OXR1: variants seen among roughly 807,000 people sequenced by gnomAD.
OXR1 encodes oxidation resistance protein 1.
Under a neutral mutation model 104.6 loss-of-function variants are expected in OXR1, and 41 were observed. That is an observed-to-expected ratio of 0.39 (90% CI 0.31 to 0.51). OXR1 has a LOEUF of 0.51. OXR1 is among the 20% of genes least tolerant of loss of function. The probability of loss-of-function intolerance (pLI) is 0.77; values close to 1 mark genes in which losing one functional copy is unlikely to be tolerated. For missense variants in OXR1, 955 were observed against 1,031.9 expected (o/e 0.93, Z 1.02); for synonymous variants, 348 against 348.4 (o/e 1.00, Z 0.01).
intron 3 of OXR1, among the ~76,000 whole-genome samples, chr8:106,660,312 T>A (rs1825630485): frequency 6.6e-6 from 1 of 152,162 alleles, no homozygotes; most frequent in Non-Finnish European, 1.5e-5. Flanking sequence ...GGCTCTAGGG[T>A]TGTTCTTTGT....
chr8:106,678,646 A>G (rs1174633847), intron 3 of OXR1, among the ~76,000 whole-genome samples: 1 of 152,002 alleles, frequency 6.6e-6, no homozygotes, highest in Non-Finnish European at 1.5e-5. Context: ...AATATTAATA[A>G]TTGGCATTCA....
chr8:106,405,039 T>C (rs1012172256), intron 2 of OXR1, among the ~76,000 whole-genome samples: 1 of 151,762 alleles, frequency 6.6e-6, no homozygotes, highest in African/African-American at 2.4e-5. Flanking sequence ...TGTATTTCTG[T>C]TGCCAGATCA....
chr8:106,684,118 C>T, intron 5 of OXR1, 128 bp from the exon 6 acceptor site: 2 of 557,996 alleles, frequency 3.6e-6, no homozygotes, highest in Non-Finnish European at 6.4e-6. Context: ...TTTTTATATT[C>T]TTATAATTTG....
At chr8:106,513,721 G>T (rs1563573299) in intron 2 of OXR1, among the ~76,000 whole-genome samples, 1 of 152,132 alleles carries the variant, frequency 6.6e-6, no homozygotes, top group African/African-American at 2.4e-5. Flanking sequence ...CACAATTATA[G>T]CATCTTACAT....
intron 3 of OXR1, among the ~76,000 whole-genome samples, chr8:106,664,393 C>G (rs1440331818): frequency 6.6e-6 from 1 of 152,186 alleles, no homozygotes; most frequent in African/African-American, 2.4e-5. Flanking sequence ...TTAAGTAATG[C>G]TGATGCTGCT....
At chr8:106,413,815 C>T (rs997556448) in intron 2 of OXR1, among the ~76,000 whole-genome samples, 15 of 151,872 alleles carry the variant, frequency 9.9e-5, no homozygotes, top group African/African-American at 3.6e-4. Context: ...ACTCCACCTC[C>T]TGGGTTGGAG....
intron 1 of OXR1, among the ~76,000 whole-genome samples, chr8:106,276,031 C>T (rs1160405598): frequency 2.0e-5 from 3 of 152,174 alleles, no homozygotes; most frequent in Non-Finnish European, 2.9e-5. Context: ...AATAGTGTAT[C>T]TCTTCTATCT....
intron 11 of OXR1, chr8:106,726,379 T>C (rs751985555): frequency 1.8e-5 from 15 of 843,994 alleles, no homozygotes; most frequent in Admixed American, 3.2e-5. Context: ...TGAAAAATTA[T>C]ACAATTTCTG....
chr8:106,561,670 C>A (rs973973088), intron 3 of OXR1, among the ~76,000 whole-genome samples: 4 of 152,226 alleles, frequency 2.6e-5, no homozygotes, highest in African/African-American at 9.6e-5. Context: ...ACCCCCGTGC[C>A]TCCTGAATGG....
chr8:106,323,694 G>T (rs536650324), intron 1 of OXR1, among the ~76,000 whole-genome samples: 1 of 152,124 alleles, frequency 6.6e-6, no homozygotes, highest in South Asian at 2.1e-4. Context: ...TAAAAAGTGC[G>T]CAAAGGACAT....
At chr8:106,309,653 T>G (rs1168294695) in intron 1 of OXR1, among the ~76,000 whole-genome samples, 3 of 151,872 alleles carry the variant, frequency 2.0e-5, no homozygotes, top group South Asian at 2.1e-4. Context: ...CTTTGAGAGA[T>G]AAAATTTGTT....
chr8:106,405,178 A>AG (rs1563757941), intron 2 of OXR1, among the ~76,000 whole-genome samples: 104 of 27,170 alleles, frequency 3.8e-3, no homozygotes, highest in South Asian at 5.9e-3. Flanking sequence ...ATATATATAT[A>AG]TATATATATA....
intron 2 of OXR1, among the ~76,000 whole-genome samples, chr8:106,393,677 G>A (rs994957887): frequency 2.0e-5 from 3 of 151,920 alleles, no homozygotes; most frequent in African/African-American, 7.2e-5. Flanking sequence ...ATTGAAAGGT[G>A]CTATATTTCA....
intron 2 of OXR1, among the ~76,000 whole-genome samples, chr8:106,493,536 T>C (rs889637903): frequency 6.6e-6 from 1 of 152,098 alleles, no homozygotes; most frequent in Non-Finnish European, 1.5e-5. Flanking sequence ...TAACTTCCCG[T>C]TTGATTCTTT....
intron 1 of OXR1, among the ~76,000 whole-genome samples, chr8:106,271,001 G>A (rs1563686697): frequency 6.6e-6 from 1 of 152,102 alleles, no homozygotes; most frequent in South Asian, 2.1e-4. Context: ...TAGAGTACCC[G>A]AGGCCACATG....
At chr8:106,622,142 A>G (rs949376231) in intron 3 of OXR1, among the ~76,000 whole-genome samples, 3 of 152,098 alleles carry the variant, frequency 2.0e-5, no homozygotes, top group Non-Finnish European at 2.9e-5. Context: ...TCTCTTTCTT[A>G]CTGACCCTGC....
rs746244225 is a variant in OXR1 at position 106,474,704 on chromosome 8, TG to T, written c.24-44237del. On this transcript the variant is annotated intron_variant, in intron 2 of 16. Transcript: ENST00000517566. ...GTGAGTAGTTGTGACAGAGACCCCATGGTCTGCAAAGCTGAAAATATTTACT... is the reference window on the plus strand; with the variant it reads ...GTGAGTAGTTGTGACAGAGACCCCATGTCTGCAAAGCTGAAAATATTTACT... 8.5e-4 allele frequency among the ~76,000 whole-genome samples: 129 copies of T among 151,944 alleles called. 3 individuals are homozygous for T. The highest frequency in any genetic ancestry group is 2.8e-4 in the Non-Finnish European group (19 of 67,914).
At chr8:106,290,085 C>T (rs1208550122) in intron 1 of OXR1, among the ~76,000 whole-genome samples, 5 of 152,090 alleles carry the variant, frequency 3.3e-5, no homozygotes, top group Non-Finnish European at 7.4e-5. Context: ...TTCTTCATAG[C>T]AGTGTGAGAA....
At chr8:106,697,605 T>G (rs1232939584) in intron 7 of OXR1, 1 of 1,612,836 alleles carries the variant, frequency 6.2e-7, no homozygotes, top group African/African-American at 1.3e-5. Context: ...CCCAGGCTAC[T>G]GCCAACCCAC....
Sources: allele counts gnomAD v4.1 joint callset (sites outside exome capture counted in the v4.1 genomes callset), GRCh38; gene constraint gnomAD v4.1.1; transcripts MANE v1.5; gene names NCBI Gene and HGNC (gene_info 2026-07-23, HGNC 2026-07-21).